CSMD1: variants seen among roughly 807,000 people sequenced by gnomAD.
CSMD1 encodes the protein CUB and sushi domain-containing protein 1.
A neutral mutation model predicts 417.5 loss-of-function variants in CSMD1; 213 were observed. That is an observed-to-expected ratio of 0.51 (90% confidence interval 0.46 to 0.57). The LOEUF (loss-of-function observed/expected upper bound fraction) is 0.57. Among genes scored for constraint, CSMD1 ranks in the 20% least tolerant of loss-of-function variants. CSMD1 has a pLI of 0.00. For missense variants in CSMD1, 6,923 were observed against 4,529.7 expected (o/e 1.53, Z -15.17); for synonymous variants, 2,862 against 1,736.8 (o/e 1.65, Z -16.11).
At chr8:3,493,172 T>C (rs945455544) in intron 11 of CSMD1, among the ~76,000 whole-genome samples, 3 of 151,570 alleles carry the variant, frequency 2.0e-5, no homozygotes, top group African/African-American at 7.3e-5. Flanking sequence ...CACACACCTG[T>C]AATCCCAGCT....
chr8:3,141,471 C>G (rs1207678402), intron 41 of CSMD1, among the ~76,000 whole-genome samples: 2 of 152,188 alleles, frequency 1.3e-5, no homozygotes. Flanking sequence ...ACCAGTCTGT[C>G]TTTGCAGGAC....
At chr8:3,487,363 G>A (rs183161379) in intron 11 of CSMD1, among the ~76,000 whole-genome samples, 2,889 of 152,002 alleles carry the variant, frequency 0.019, 85 homozygotes, top group African/African-American at 0.062. Context: ...CACCACGCCC[G>A]GCTAATTTTT....
intron 5 of CSMD1, among the ~76,000 whole-genome samples, chr8:3,920,088 C>A (rs895528183): frequency 1.3e-5 from 2 of 151,972 alleles, no homozygotes; most frequent in Non-Finnish European, 2.9e-5. Context: ...GGCTAGACTG[C>A]AGTGGTGCAA....
chr8:4,938,014 T>A (rs1807739892), intron 1 of CSMD1, among the ~76,000 whole-genome samples: 1 of 152,214 alleles, frequency 6.6e-6, no homozygotes, highest in South Asian at 2.1e-4. Flanking sequence ...TCATGCAATC[T>A]TTGTACTCAA....
At chr8:3,463,865 A>C (rs1816654343) in intron 12 of CSMD1, among the ~76,000 whole-genome samples, 1 of 152,184 alleles carries the variant, frequency 6.6e-6, no homozygotes, top group African/African-American at 2.4e-5. Context: ...ATTCAGTACA[A>C]CACACAGCCT....
intron 10 of CSMD1, among the ~76,000 whole-genome samples, chr8:3,533,846 A>C (rs1215710898): frequency 6.6e-6 from 1 of 152,194 alleles, no homozygotes; most frequent in African/African-American, 2.4e-5. Context: ...GTACAGTTAG[A>C]GATCTTAGTC....
chr8:4,941,526 G>A (rs1417047763), intron 1 of CSMD1, among the ~76,000 whole-genome samples: 2 of 151,898 alleles, frequency 1.3e-5, no homozygotes. Context: ...AACTTGTTGT[G>A]TTTCTTCTGC....
rs188254134 is a variant in CSMD1, at chr8:3,684,015, G to A, written c.1009+24399C>T. On this transcript the variant is annotated intron_variant, in intron 7 of 69. Transcript: ENST00000635120. ...CTCATTAGAACACATTCAAATTAAT[G>A]GACTAACACCAAAGAGACAGTCTTT... is the stretch of plus-strand genomic sequence containing the variant. 6.6e-3 allele frequency among the ~76,000 whole-genome samples: 990 copies of A among 150,580 alleles called. 14 individuals carry two copies. The highest frequency in any genetic ancestry group is 0.023 in the African/African-American group (943 of 41,006).
chr8:4,484,953 C>G (rs1357012381), intron 2 of CSMD1, among the ~76,000 whole-genome samples: 2 of 123,734 alleles, frequency 1.6e-5, no homozygotes, highest in East Asian at 5.3e-4. Context: ...AGCACTCCAA[C>G]CTGGTTGACA....
chr8:3,837,223 T>C lies in CSMD1; in HGVS notation c.819-83181A>G, dbSNP rs1039879702. Among the ~76,000 whole-genome samples, 10 of 152,264 alleles carry C rather than the reference T, an allele frequency of 6.6e-5. No homozygotes were observed. In the East Asian group the frequency reaches 9.7e-4, roughly 15 times the overall value. ...AAAACATTGGCCAATTATTCCAGAATAGATGTGCATAGCTAAAGCTTATTC... is the reference window on the plus strand; with the variant it reads ...AAAACATTGGCCAATTATTCCAGAACAGATGTGCATAGCTAAAGCTTATTC... On this transcript the variant is annotated intron_variant, in intron 5 of 69. Transcript: ENST00000635120.
intron 7 of CSMD1, among the ~76,000 whole-genome samples, chr8:3,657,798 A>G (rs1187628581): frequency 6.6e-6 from 1 of 152,174 alleles, no homozygotes; most frequent in Non-Finnish European, 1.5e-5. Flanking sequence ...TAACTATGTA[A>G]CAAACATGCA....
chr8:4,470,778 C>T (rs1800484075), intron 2 of CSMD1, among the ~76,000 whole-genome samples: 1 of 152,166 alleles, frequency 6.6e-6, no homozygotes, highest in South Asian at 2.1e-4. Context: ...ATTATTTAGA[C>T]AATATTTAAG....
intron 2 of CSMD1, among the ~76,000 whole-genome samples, chr8:4,582,958 G>C (rs11775182): frequency 1.3e-5 from 2 of 152,218 alleles, no homozygotes; most frequent in Non-Finnish European, 2.9e-5. Flanking sequence ...AGCAATGAGG[G>C]ACATAGCACC....
intron 1 of CSMD1, among the ~76,000 whole-genome samples, chr8:4,742,191 C>T (rs894530403): frequency 1.2e-4 from 18 of 151,098 alleles, no homozygotes; most frequent in African/African-American, 2.4e-4. Flanking sequence ...CCACCACGCC[C>T]GGCTAATTTT....
intron 21 of CSMD1, among the ~76,000 whole-genome samples, chr8:3,358,448 A>G (rs1563307703): frequency 6.6e-6 from 1 of 152,324 alleles, no homozygotes; most frequent in East Asian, 1.9e-4. Context: ...TTTAAGCTAC[A>G]ACGGCAGTTA....
chr8:4,368,348 T>C (rs2128911311), intron 3 of CSMD1, among the ~76,000 whole-genome samples: 1 of 152,304 alleles, frequency 6.6e-6, no homozygotes, highest in South Asian at 2.1e-4. Flanking sequence ...TACTTTATTG[T>C]GGTGAATTAG....
intron 2 of CSMD1, among the ~76,000 whole-genome samples, chr8:4,570,473 C>G (rs530037234): frequency 6.6e-6 from 1 of 152,282 alleles, no homozygotes; most frequent in South Asian, 2.1e-4. Context: ...CCTTGCATCC[C>G]AGGGATGAAG....
At chr8:3,853,802 T>C (rs887944619) in intron 5 of CSMD1, among the ~76,000 whole-genome samples, 1 of 151,168 alleles carries the variant, frequency 6.6e-6, no homozygotes, top group Admixed American at 6.6e-5. Context: ...CACACCAACA[T>C]GGCACATGTA....
rs1286932715 is a variant in CSMD1, at chr8:2,962,456, T to C, written c.9628+10A>G. On this transcript the variant is annotated intron_variant, in intron 61 of 69. Coordinates refer to ENST00000635120, the MANE Select transcript of CSMD1 (RefSeq NM_033225.6). ...CCCAGGTATCCCCAGAGCTGTATGATAATTATTACCAATGCAGGTGGGTTG... is the reference window on the plus strand; with the variant it reads ...CCCAGGTATCCCCAGAGCTGTATGACAATTATTACCAATGCAGGTGGGTTG... The C allele has an allele frequency of 1.2e-6, 2 of 1,610,526 alleles. No individual in the cohort carries two copies. The highest frequency in any genetic ancestry group is 3.3e-5 in the Admixed American group (2 of 59,870).
Sources: allele counts gnomAD v4.1 joint callset (sites outside exome capture counted in the v4.1 genomes callset), GRCh38; gene constraint gnomAD v4.1.1; transcripts MANE v1.5; gene names NCBI Gene and HGNC (gene_info 2026-07-23, HGNC 2026-07-21).